The following WLS variants were observed in gnomAD, a reference collection of about 807,000 sequenced individuals.
The protein encoded by WLS is Wnt ligand secretion mediator.
A neutral mutation model predicts 62.8 loss-of-function variants in WLS; 23 were observed. The ratio of observed to expected loss-of-function variants is 0.37; its 90% confidence interval spans 0.26 to 0.52. WLS has a LOEUF of 0.52. Among genes scored for constraint, WLS ranks in the 20% least tolerant of loss-of-function variants. The pLI is 0.92. For synonymous variants in WLS, 246 were observed against 244.1 expected, an observed-to-expected ratio of 1.01 and a Z score of -0.07; for missense variants, 615 against 697.3, an observed-to-expected ratio of 0.88 and a Z score of 1.33.
intron 6 of WLS, among the ~76,000 whole-genome samples, chr1:68,148,873 GC>G (rs1156881078): frequency 6.6e-6 from 1 of 152,108 alleles, no homozygotes; most frequent in Non-Finnish European, 1.5e-5. Flanking sequence ...ACATGACAAA[GC>G]CCAGCCATAA....
chr1:68,109,611 T>C (rs986752150), intron 11 of WLS, among the ~76,000 whole-genome samples: 7 of 152,030 alleles, frequency 4.6e-5, no homozygotes, highest in Non-Finnish European at 8.8e-5. Flanking sequence ...AAATGAAAAA[T>C]GTTATTAAAA....
chr1:68,110,958 AT>A (rs907437165), intron 11 of WLS, among the ~76,000 whole-genome samples: 9 of 152,162 alleles, frequency 5.9e-5, no homozygotes, highest in Non-Finnish European at 8.8e-5. Context: ...AATTTAGAAT[AT>A]TTTTATAATC....
intron 11 of WLS, among the ~76,000 whole-genome samples, chr1:68,128,007 C>G (rs1412417345): frequency 6.6e-6 from 1 of 152,210 alleles, no homozygotes; most frequent in Non-Finnish European, 1.5e-5. Context: ...ACCCTGTAAG[C>G]TCTCTACCCA....
intron 5 of WLS, among the ~76,000 whole-genome samples, chr1:68,152,336 A>C (rs1646837728): frequency 7.3e-6 from 1 of 136,598 alleles, no homozygotes; most frequent in African/African-American, 2.9e-5. Flanking sequence ...AGGTGAAATC[A>C]ACCCCCCTAG....
chr1:68,221,054 T>C (rs1203886059), intron 1 of WLS, among the ~76,000 whole-genome samples: 6 of 152,210 alleles, frequency 3.9e-5, no homozygotes, highest in Non-Finnish European at 7.3e-5. Context: ...AATTAAAAGA[T>C]GACCTTAGTG....
At chr1:68,170,352 G>A (rs1647133706) in intron 2 of WLS, among the ~76,000 whole-genome samples, 1 of 151,740 alleles carries the variant, frequency 6.6e-6, no homozygotes, top group South Asian at 2.1e-4. Context: ...ATTTTTAGTA[G>A]AGACGGGGTT....
downstream of WLS, among the ~76,000 whole-genome samples, chr1:68,122,571 TA>T (rs1646376727): frequency 1.3e-5 from 2 of 148,564 alleles, no homozygotes; most frequent in South Asian, 2.1e-4. Flanking sequence ...TCTTATTTTT[TA>T]AAAACAGACA....
intron 11 of WLS, among the ~76,000 whole-genome samples, chr1:68,129,396 G>A (rs1164060758): frequency 6.6e-6 from 1 of 152,198 alleles, no homozygotes; most frequent in East Asian, 1.9e-4. Context: ...TTTTGTATCT[G>A]ATAAATTTAT....
Sources: gnomAD v4.1 joint callset for allele counts (sites outside exome capture counted in the v4.1 genomes callset) on GRCh38, gnomAD v4.1.1 for gene constraint, MANE v1.5 for transcripts, NCBI Gene and HGNC (gene_info 2026-07-23, HGNC 2026-07-21) for gene names.